Variants in FREM2 observed in about 807,000 individuals in gnomAD.
FREM2 encodes FRAS1 related extracellular matrix 2.
In FREM2, 119 loss-of-function variants were observed where a neutral mutation model predicts 219.9. That is an observed-to-expected ratio of 0.54 (90% confidence interval 0.47 to 0.63). FREM2 has a LOEUF of 0.63. FREM2 is among the 30% of genes least tolerant of loss of function. The pLI, the probability that FREM2 is intolerant of heterozygous loss-of-function variation, is 0.00. For missense variants in FREM2, 4,030 were observed against 3,993.6 expected (o/e 1.01, Z -0.25); for synonymous variants, 1,562 against 1,522.8 (o/e 1.03, Z -0.60).
Position 38,688,709 on chromosome 13 carries a change from G to GC in FREM2, c.1369dup (p.Leu457ProfsTer17). ...TTATTCTCTATGAGGGTCAGTCTCG[G>GC]CCCCTCACAGGCCCTGCAGGCAGTG... On this transcript the variant is annotated frameshift_variant, in exon 1 of 24. Transcript: ENST00000280481. LOFTEE classifies it high-confidence loss of function. 1 of 1,614,020 alleles carries GC rather than the reference G, an allele frequency of 6.2e-7. No homozygotes were observed. Among genetic ancestry groups the GC allele is most frequent in the Non-Finnish European group, 8.5e-7 (1 of 1,179,934 alleles).
chr13:38,789,151 C>T (rs796628907), intron 6 of FREM2, among the ~76,000 whole-genome samples: 26 of 151,964 alleles, frequency 1.7e-4, no homozygotes, highest in African/African-American at 6.0e-4. Context: ...GTACTATCTT[C>T]CTTCTTTAAT....
At chr13:38,879,255 A>G (rs1033157954) in intron 23 of FREM2, among the ~76,000 whole-genome samples, 1 of 152,236 alleles carries the variant, frequency 6.6e-6, no homozygotes, top group Non-Finnish European at 1.5e-5. Context: ...TTATTTTAAG[A>G]CTATGTGTAA....
intron 16 of FREM2, among the ~76,000 whole-genome samples, chr13:38,865,599 C>T (rs1244068740): frequency 1.3e-5 from 2 of 152,078 alleles, no homozygotes; most frequent in Non-Finnish European, 2.9e-5. Context: ...AACTAGATAA[C>T]TAGTATGAGA....
At chr13:38,747,146 G>A (rs1872517178) in intron 2 of FREM2, among the ~76,000 whole-genome samples, 1 of 152,040 alleles carries the variant, frequency 6.6e-6, no homozygotes, top group Non-Finnish European at 1.5e-5. Context: ...AGGCGAGAGA[G>A]TAAGAAACAG....
intron 4 of FREM2, among the ~76,000 whole-genome samples, chr13:38,772,832 G>C (rs916313112): frequency 1.8e-4 from 28 of 151,916 alleles, no homozygotes; most frequent in Admixed American, 5.9e-4. Context: ...GAGTAGCCTG[G>C]ATTACGGGCG....
At position 38,851,835 on chromosome 13, in the gene FREM2, A is replaced by C. The variant is rs1342233634; in HGVS notation, c.6892A>C (p.Thr2298Pro). The C allele has an allele frequency of 6.2e-7, 1 of 1,613,732 alleles. No individual in the cohort carries two copies. The highest frequency in any genetic ancestry group is 1.1e-5 in the South Asian group (1 of 91,084). Residue 2298 changes from threonine to proline, a missense_variant, in exon 11 of 24, where the codon ACC (threonine) becomes CCC (proline). Thr to Pro is a conservative substitution (Grantham distance 38). Around this residue, in one of 2 missense-constraint regions of FREM2, gnomAD observed 3,102 missense variants for 2,950.7 expected, o/e 1.05. Coordinates refer to ENST00000280481, the MANE Select transcript of FREM2 (RefSeq NM_207361.6). ...VRVHTKDGSA[T>P]SGEDYHPVSE... ...AGTCCACACCAAGGATGGCTCGGCC[A>C]CCTCTGGAGAAGACTACCACCCTGT...
intron 6 of FREM2, among the ~76,000 whole-genome samples, chr13:38,804,384 TAAATC>T (rs1489710850): frequency 1.3e-5 from 2 of 151,076 alleles, no homozygotes; most frequent in Non-Finnish European, 2.9e-5. Flanking sequence ...AAAATCAAAA[TAAATC>T]AAACAGTATG....
intron 6 of FREM2, 78 bp downstream of exon 6, chr13:38,784,886 G>T: frequency 6.8e-7 from 1 of 1,477,226 alleles, no homozygotes; most frequent in Admixed American, 1.7e-5. Context: ...AGAAAAAATG[G>T]GAATCTAAAA....
chr13:38,850,681 C>T (rs1208313857), intron 9 of FREM2, among the ~76,000 whole-genome samples: 1 of 152,100 alleles, frequency 6.6e-6, no homozygotes, highest in African/African-American at 2.4e-5. Flanking sequence ...GTGCTTTTTC[C>T]CTTGTTTTCT....
At chr13:38,838,442 G>A (rs1297131413) in intron 6 of FREM2, among the ~76,000 whole-genome samples, 2 of 152,014 alleles carry the variant, frequency 1.3e-5, no homozygotes, top group South Asian at 2.1e-4. Context: ...TATGTCTTGG[G>A]GTTGCTCTTT....
At chr13:38,720,835 G>A (rs1871204532) in intron 2 of FREM2, among the ~76,000 whole-genome samples, 1 of 152,190 alleles carries the variant, frequency 6.6e-6, no homozygotes, top group Admixed American at 6.5e-5. Context: ...GGAGGGAGAT[G>A]TCAGGATGTC....
chr13:38,878,922 T>G lies in FREM2; in HGVS notation c.8951T>G (p.Leu2984Ter). 4 of 1,614,166 alleles carry G rather than the reference T, an allele frequency of 2.5e-6. No homozygotes were observed. The highest frequency in any genetic ancestry group is 3.4e-6 in the Non-Finnish European group (4 of 1,180,004). Residue 2984 changes from leucine to a stop codon, truncating the protein, a stop_gained, in exon 23 of 24, where the codon TTA becomes TGA. Coordinates refer to ENST00000280481, the MANE Select transcript of FREM2 (RefSeq NM_207361.6). LOFTEE classifies it high-confidence loss of function. ...LAVDDPEAIL[L>*]VNQPGSDGFK... Reference sequence around the variant, plus strand: ...GTGGATGACCCTGAAGCCATTCTCTTAGTGAATCAGCCTGGATCTGATGGA... The same window carrying G: ...GTGGATGACCCTGAAGCCATTCTCTGAGTGAATCAGCCTGGATCTGATGGA...
chr13:38,834,339 G>A (rs1386947365), intron 6 of FREM2, among the ~76,000 whole-genome samples: 4 of 152,118 alleles, frequency 2.6e-5, no homozygotes, highest in Non-Finnish European at 5.9e-5. Context: ...CCCTGCAAAG[G>A]ACATGAACTC....
In FREM2 at chr13:38,882,934, G is replaced by A. The variant is rs1878597756; in HGVS notation, c.*2147G>A. The stretch of plus-strand genomic sequence containing the variant: ...GTCAATGAATATAGCAATCGGTGAA[G>A]CATTACTGTACGAAGTCTGTTTTCA... On this transcript the variant is annotated 3_prime_UTR_variant, in exon 24 of 24. Transcript: ENST00000280481. 6.6e-6 allele frequency: 1 copy of A among 152,198 alleles called. No homozygotes were observed. The highest frequency in any genetic ancestry group is 6.5e-5 in the Admixed American group (1 of 15,270). 9.4% of individuals were successfully genotyped at this position (152,198 alleles called of 1,614,324 possible). A position where few individuals can be genotyped will look rare whatever the true frequency, so the allele number is the denominator to read the frequency against.
chr13:38,792,607 A>G (rs1019244297), intron 6 of FREM2, among the ~76,000 whole-genome samples: 8 of 152,144 alleles, frequency 5.3e-5, no homozygotes, highest in African/African-American at 1.7e-4. Context: ...AAACCTTATT[A>G]TATGTATGTA....
chr13:38,878,786 C>A (rs750562253), intron 22 of FREM2, 45 bp from the exon 23 acceptor site: 1 of 1,588,180 alleles, frequency 6.3e-7, no homozygotes, highest in Admixed American at 1.7e-5. Flanking sequence ...TGGCAAAAGC[C>A]GTGGCATTAT....
chr13:38,805,252 A>G (rs1875179461), intron 6 of FREM2, among the ~76,000 whole-genome samples: 1 of 151,268 alleles, frequency 6.6e-6, no homozygotes, highest in South Asian at 2.1e-4. Flanking sequence ...TAGGGTAAGG[A>G]GGTGAGGCTA....
Position 38,764,365 on chromosome 13 carries a change from G to A in FREM2, c.5325G>A (p.Lys1775=), listed in dbSNP as rs762332980. 1.2e-6 allele frequency: 2 copies of A among 1,607,750 alleles called. No individual in the cohort carries two copies. Among genetic ancestry groups the A allele is most frequent in the South Asian group, 1.1e-5 (1 of 90,896 alleles). The change falls in exon 3 of 24, where the codon AAG becomes AAA. Residue 1775 remains lysine, a synonymous_variant. Coordinates refer to ENST00000280481, the MANE Select transcript of FREM2 (RefSeq NM_207361.6). ...RLNWAWISFE[K]EYYLVNEDSK... ...ATTGGGCATGGATCTCCTTTGAAAA[G>A]GAATATTACCTGGTCAATGAGGACT...
intron 2 of FREM2, among the ~76,000 whole-genome samples, chr13:38,738,719 C>T (rs1051517789): frequency 6.6e-6 from 1 of 151,826 alleles, no homozygotes; most frequent in Non-Finnish European, 1.5e-5. Flanking sequence ...TGGATAAGTT[C>T]AGTCAGATGC....
Sources: gnomAD v4.1 joint callset for allele counts (sites outside exome capture counted in the v4.1 genomes callset) on GRCh38, gnomAD v4.1.1 for gene constraint, gnomAD v4.1.1 regional missense constraint, MANE v1.5 for transcripts, NCBI Gene and HGNC (gene_info 2026-07-23, HGNC 2026-07-21) for gene names.